CLN6: variants seen among roughly 807,000 people sequenced by gnomAD.
CLN6 encodes ceroid-lipofuscinosis neuronal protein 6.
CLN6 carries 22 observed loss-of-function variants against 33.3 expected under a neutral mutation model. The ratio of observed to expected loss-of-function variants is 0.66; its 90% CI spans 0.47 to 0.94. The LOEUF is 0.94. Ranked by LOEUF, CLN6 falls within the 40% of genes least tolerant of loss-of-function variation. The pLI is 0.00. For missense variants in CLN6, 387 were observed against 417.1 expected, an observed-to-expected ratio of 0.93 and a Z score of 0.63; for synonymous variants, 201 against 174.6, an observed-to-expected ratio of 1.15 and a Z score of -1.19.
intron 1 of CLN6, among the ~76,000 whole-genome samples, chr15:68,255,820 G>A (rs1392413209): frequency 6.6e-6 from 1 of 152,102 alleles, no homozygotes; most frequent in Non-Finnish European, 1.5e-5. Flanking sequence ...TGGAGTCAGG[G>A]TCTCCCTCTG....
Position 68,220,521 on chromosome 15 carries a change from T to G in CLN6, c.84-1871A>C, listed in dbSNP as rs1279059271. On this transcript the variant is annotated intron_variant, in intron 1 of 6. Coordinates refer to ENST00000249806, the MANE Select transcript of CLN6 (RefSeq NM_017882.3). This position sits in a 1 kb window ranked among gnomAD's most constrained non-coding sequence, Gnocchi z 4.2. The stretch of plus-strand genomic sequence containing the variant: ...AGGTGAGGAAAAGAGCTCCTTCCTT[T>G]ATAGTGCTGGGTTCTAAGGGTGCAA... 6.6e-6 allele frequency among the ~76,000 whole-genome samples: 1 copy of G among 152,218 alleles called. No homozygotes were observed. The highest frequency in any genetic ancestry group is 1.9e-4 in the East Asian group (1 of 5,198).
At chr15:68,254,550 TG>T (rs1164188043) in intron 1 of CLN6, 10 of 471,616 alleles carry the variant, frequency 2.1e-5, no homozygotes, top group African/African-American at 9.8e-5. Flanking sequence ...TTGAGCAGTG[TG>T]AAAAAGAGGT....
At chr15:68,238,274 C>T (rs968721994) in intron 1 of CLN6, among the ~76,000 whole-genome samples, 1 of 141,010 alleles carries the variant, frequency 7.1e-6, no homozygotes, top group African/African-American at 2.7e-5. Context: ...TGTGGTGGCA[C>T]GTGCCTGTAA....
chr15:68,212,693 T>C (rs2093209586), intron 3 of CLN6: 1 of 152,504 alleles, frequency 6.6e-6, no homozygotes, highest in African/African-American at 2.4e-5. Context: ...AAATTTTTTG[T>C]AGAGATAGGG....
At position 68,211,455 on chromosome 15, in the gene CLN6, C is replaced by T; in HGVS notation, c.487-137G>A. 1 of 1,526,184 alleles carries T rather than the reference C, an allele frequency of 6.6e-7. No homozygotes were observed. Among genetic ancestry groups the T allele is most frequent in the Non-Finnish European group, 9.0e-7 (1 of 1,114,298 alleles). 94.5% of individuals were successfully genotyped at this position (1,526,184 alleles called of 1,614,324 possible). On this transcript the variant is annotated intron_variant, in intron 4 of 6. Coordinates refer to ENST00000249806, the MANE Select transcript of CLN6 (RefSeq NM_017882.3). The surrounding 1 kb of genome is among the most constrained non-coding windows in gnomAD (Gnocchi z 5.9). ...CCACTGCCTTATTCCCTACCCGGGG[C>T]CTCGCCTTCTGTTACAGGGGCCCAG...
Position 68,208,098 on chromosome 15 carries a change from A to ACCCACC in CLN6, c.*41_*42insGGTGGG. The ACCCACC allele has an allele frequency of 2.2e-6, 1 of 448,454 alleles. No individual in the cohort carries two copies. Among genetic ancestry groups the ACCCACC allele is most frequent in the Non-Finnish European group, 3.6e-6 (1 of 279,248 alleles). 27.8% of individuals were successfully genotyped at this position (448,454 alleles called of 1,614,324 possible). On this transcript the variant is annotated 3_prime_UTR_variant, in exon 7 of 7. Coordinates refer to ENST00000249806, the MANE Select transcript of CLN6 (RefSeq NM_017882.3). This position sits in a 1 kb window ranked among gnomAD's most constrained non-coding sequence, Gnocchi z 5.8. Reference sequence around the variant, plus strand: ...TGTATTCAGATGCCCTCCATGGCCCACCCTCCCACCCAGCAGAGCGCCAGA... The same window carrying ACCCACC: ...TGTATTCAGATGCCCTCCATGGCCCACCCACCCCCTCCCACCCAGCAGAGCGCCAGA...
intron 1 of CLN6, among the ~76,000 whole-genome samples, chr15:68,253,689 C>T (rs549045301): frequency 1.9e-4 from 29 of 152,342 alleles, no homozygotes; most frequent in Middle Eastern, 6.8e-3. Context: ...TGCCAAATAG[C>T]TTGTTCACAT....
At chr15:68,232,315 GC>G (rs1305490572), upstream of CLN6, among the ~76,000 whole-genome samples, 1 of 151,880 alleles carries the variant, frequency 6.6e-6, no homozygotes, top group Non-Finnish European at 1.5e-5. This position sits in a 1 kb window ranked among gnomAD's most constrained non-coding sequence, Gnocchi z 4.7. Context: ...GCACCACCAC[GC>G]CTGGCTAATT....
Position 68,208,526 on chromosome 15 carries a change from GC to G in CLN6, c.666-117del. On this transcript the variant is annotated intron_variant, in intron 6 of 6. Transcript: ENST00000249806. The surrounding 1 kb of genome is among the most constrained non-coding windows in gnomAD (Gnocchi z 5.8). ...CAGGCAGGCAGAAGAGTCCTCTGGTGCCAGGGCTCAGAGAACTATGCCGCTC... is the reference window on the plus strand; with the variant it reads ...CAGGCAGGCAGAAGAGTCCTCTGGTGCAGGGCTCAGAGAACTATGCCGCTC... 8.9e-7 allele frequency: 1 copy of G among 1,126,460 alleles called. No individual in the cohort carries two copies. Among genetic ancestry groups the G allele is most frequent in the Non-Finnish European group, 1.3e-6 (1 of 765,104 alleles). The allele number at this position is 1,126,460 out of a possible 1,614,324, so 69.8% of individuals were successfully genotyped here.
At chr15:68,233,142 C>G (rs1164065171), upstream of CLN6, among the ~76,000 whole-genome samples, 1 of 152,160 alleles carries the variant, frequency 6.6e-6, no homozygotes, top group Non-Finnish European at 1.5e-5. This position sits in a 1 kb window ranked among gnomAD's most constrained non-coding sequence, Gnocchi z 4.3. Flanking sequence ...GTGTGCCCTC[C>G]CTTCTCCTCT....
rs533231370 is a variant in CLN6, at chr15:68,218,631, C to T, written c.103G>A (p.Asp35Asn). The change falls in exon 2 of 7, where the codon GAT becomes AAT. Residue 35 changes from aspartate (D) to asparagine (N), a missense_variant. Transcript: ENST00000249806. ...AAGGGAGCCGTGCGGGCAGCCTCAT[C>T]AGCGCTCACAGAGCCATGCCTGGGA... The part of the protein sequence containing the change: ...LQARHGSVSA[D>N]EAARTAPFHL... The T allele has an allele frequency of 4.3e-5, 70 of 1,613,628 alleles. No individual in the cohort carries two copies. In the South Asian group the frequency reaches 6.8e-4, roughly 16 times the overall value.
In CLN6 at chr15:68,228,350, A is replaced by G. The variant is rs1439606425; in HGVS notation, c.83+1152T>C. ...AACTTCTCACGACTCCCCAGTGCCT[A>G]TGGGATAAAGACTGTGTCCTTAACC... On this transcript the variant is annotated intron_variant, in intron 1 of 6. Transcript: ENST00000249806. The surrounding 1 kb of genome is among the most constrained non-coding windows in gnomAD (Gnocchi z 4.4). Among the ~76,000 whole-genome samples, 1 of 152,172 alleles carries G rather than the reference A, an allele frequency of 6.6e-6. No homozygotes were observed. The highest frequency in any genetic ancestry group is 1.5e-5 in the Non-Finnish European group (1 of 68,022).
chr15:68,208,026 A>G lies in CLN6; in HGVS notation c.*114T>C. On this transcript the variant is annotated 3_prime_UTR_variant, in exon 7 of 7. Transcript: ENST00000249806. The surrounding 1 kb of genome is among the most constrained non-coding windows in gnomAD (Gnocchi z 5.8). ...AATCCACGCACACGAGGCACACCCC[A>G]CTCATGCTCTCGGTCTCTGGTTACA... 1 of 1,144,304 alleles carries G rather than the reference A, an allele frequency of 8.7e-7. No individual in the cohort carries two copies. Among genetic ancestry groups the G allele is most frequent in the Non-Finnish European group, 1.3e-6 (1 of 789,636 alleles). The allele number at this position is 1,144,304 out of a possible 1,614,324, so 70.9% of individuals were successfully genotyped here. A position where few individuals can be genotyped will look rare whatever the true frequency, so the allele number is the denominator to read the frequency against.
At position 68,211,762 on chromosome 15, in the gene CLN6, G is replaced by C; in HGVS notation, c.399C>G (p.Val133=). ...AGCCACTGAAGAGCAGGCGGTGGTT[G>C]ACAGAGTCACCCACCAGGTGGATGC... is the stretch of plus-strand genomic sequence containing the variant. ...GASIHLVGDS[V]NHRLLFSGYQ... The change falls in exon 4 of 7, where the codon GTC becomes GTG. Residue 133 remains valine, a synonymous_variant. Transcript: ENST00000249806. The surrounding 1 kb of genome is among the most constrained non-coding windows in gnomAD (Gnocchi z 5.9). 1 of 1,614,006 alleles carries C rather than the reference G, an allele frequency of 6.2e-7. No individual in the cohort carries two copies. Among genetic ancestry groups the C allele is most frequent in the Non-Finnish European group, 8.5e-7 (1 of 1,180,010 alleles).
intron 1 of CLN6, among the ~76,000 whole-genome samples, chr15:68,225,453 C>CTA (rs2093249038): frequency 4.6e-5 from 7 of 152,038 alleles, no homozygotes; most frequent in Admixed American, 3.9e-4. Flanking sequence ...GTGAGGAAAG[C>CTA]TAAAGTTTAG....
rs746094490 is a variant in CLN6, at chr15:68,209,601, G to T, written c.665+36C>A. 6.2e-6 allele frequency: 10 copies of T among 1,609,596 alleles called. No homozygotes were observed. In the Middle Eastern group the frequency reaches 6.5e-4, roughly 104 times the overall value. On this transcript the variant is annotated intron_variant, in intron 6 of 6. Coordinates refer to ENST00000249806, the MANE Select transcript of CLN6 (RefSeq NM_017882.3). This position sits in a 1 kb window ranked among gnomAD's most constrained non-coding sequence, Gnocchi z 4.9. ...ATTTTGCTGCCGTGGCTCTCTCAGT[G>T]CCCCTGCCTCTGCCCCCATGCTGAT...
At position 68,216,281 on chromosome 15, in the gene CLN6, TAGA is replaced by T. The variant is rs35623333; in HGVS notation, c.199-1896_199-1894del. On this transcript the variant is annotated intron_variant, in intron 2 of 6. Coordinates refer to ENST00000249806, the MANE Select transcript of CLN6 (RefSeq NM_017882.3). ...CCCCCAGTATGTGGTTCCTTCATGC[TAGA>T]AGAAGGTTCAGAGCAGCCAGTCCAG... Among the ~76,000 whole-genome samples, 931 of 152,238 alleles carry T rather than the reference TAGA, an allele frequency of 6.1e-3. 4 individuals are homozygous for T. The highest frequency in any genetic ancestry group is 0.032 in the East Asian group (164 of 5,176).
rs1373908207 is a variant in CLN6, at chr15:68,228,203, G to A, written c.83+1299C>T. On this transcript the variant is annotated intron_variant, in intron 1 of 6. Transcript: ENST00000249806. This position sits in a 1 kb window ranked among gnomAD's most constrained non-coding sequence, Gnocchi z 4.4. ...GACACAGTCCGCAGCTGCTCAGCCC[G>A]CATGTCCGCAGCAGCAGAAACGAGC... 6.6e-6 allele frequency among the ~76,000 whole-genome samples: 1 copy of A among 152,130 alleles called. No homozygotes were observed. The highest frequency in any genetic ancestry group is 6.5e-5 in the Admixed American group (1 of 15,272).
In CLN6 at chr15:68,247,315, C is replaced by T. The variant is rs1439550930; in HGVS notation, c.179+9375G>A. ...AACTGATAAACAAATGCAGTAAAGT[C>T]GCTGGATACAAAATCAACAGACAAA... On this transcript the variant is annotated intron_variant, in intron 1 of 6. Transcript: ENST00000538696. This position sits in a 1 kb window ranked among gnomAD's most constrained non-coding sequence, Gnocchi z 4.2. 3.3e-5 allele frequency among the ~76,000 whole-genome samples: 5 copies of T among 152,078 alleles called. No homozygotes were observed. Among genetic ancestry groups the T allele is most frequent in the African/African-American group, 7.3e-5 (3 of 41,374 alleles).
Sources: gnomAD v4.1 joint callset for allele counts (sites outside exome capture counted in the v4.1 genomes callset) on GRCh38, gnomAD v4.1.1 for gene constraint, Gnocchi (gnomAD v3.1) non-coding constraint, MANE v1.5 for transcripts, NCBI Gene and HGNC (gene_info 2026-07-23, HGNC 2026-07-21) for gene names.